CTNNA2: variants seen among roughly 807,000 people sequenced by gnomAD.
CTNNA2 encodes the protein catenin alpha-2.
In CTNNA2, 42 loss-of-function variants were observed where a neutral mutation model predicts 101.0. The ratio of observed to expected loss-of-function variants is 0.42; its 90% CI spans 0.32 to 0.54. The LOEUF (loss-of-function observed/expected upper bound fraction) is 0.54. CTNNA2 is among the 20% of genes least tolerant of loss of function. CTNNA2 has a pLI of 0.14. For synonymous variants in CTNNA2, 450 were observed against 456.4 expected (o/e 0.99, Z 0.18); for missense variants, 871 against 1,223.1 (o/e 0.71, Z 4.29).
intron 7 of CTNNA2, among the ~76,000 whole-genome samples, chr2:79,942,792 C>T (rs961508421): frequency 2.6e-5 from 4 of 152,084 alleles, no homozygotes; most frequent in Non-Finnish European, 4.4e-5. Context: ...TTTCCTGCAT[C>T]CTATCCTTGC....
At chr2:80,572,850 T>A (rs1401918350) in intron 12 of CTNNA2, 1 of 152,214 alleles carries the variant, frequency 6.6e-6, no homozygotes, top group Non-Finnish European at 1.5e-5. Context: ...TCCCCATGCA[T>A]GCTGTGGTTT....
intron 7 of CTNNA2, among the ~76,000 whole-genome samples, chr2:80,383,128 C>A (rs1676668358): frequency 6.6e-6 from 1 of 151,996 alleles, no homozygotes; most frequent in East Asian, 1.9e-4. Context: ...TGAAAAATGT[C>A]TTTTATGCAG....
intron 4 of CTNNA2, among the ~76,000 whole-genome samples, chr2:79,482,417 T>G (rs952013746): frequency 6.6e-6 from 1 of 152,182 alleles, no homozygotes; most frequent in African/African-American, 2.4e-5. Context: ...CACAATGTAC[T>G]AGGGATTTGG....
intron 2 of CTNNA2, among the ~76,000 whole-genome samples, chr2:79,719,727 C>T (rs1206660729): frequency 6.6e-6 from 1 of 151,898 alleles, no homozygotes; most frequent in Non-Finnish European, 1.5e-5. Context: ...TGTCCTTTGC[C>T]CGTTTTAATG....
chr2:79,511,782 G>T (rs1671549370), upstream of CTNNA2, among the ~76,000 whole-genome samples: 1 of 152,042 alleles, frequency 6.6e-6, no homozygotes. Flanking sequence ...GGAAGCAAAA[G>T]GGGGGAGGGA....
intron 3 of CTNNA2, among the ~76,000 whole-genome samples, chr2:79,769,870 A>G (rs749727745): frequency 6.6e-5 from 10 of 152,240 alleles, no homozygotes; most frequent in Non-Finnish European, 4.4e-5. Flanking sequence ...ACTTTCTGCA[A>G]TAAAAATAGT....
chr2:79,995,306 A>C (rs1161395194), intron 7 of CTNNA2, among the ~76,000 whole-genome samples: 1 of 152,110 alleles, frequency 6.6e-6, no homozygotes, highest in Non-Finnish European at 1.5e-5. Flanking sequence ...TGTGTGAATC[A>C]CCCTGGAAGG....
intron 4 of CTNNA2, chr2:79,500,541 T>TTGGC (rs1362893110): frequency 6.6e-6 from 1 of 152,188 alleles, no homozygotes; most frequent in Non-Finnish European, 1.5e-5. Context: ...CTAAATCATA[T>TTGGC]TGGCTACAGT....
intron 4 of CTNNA2, among the ~76,000 whole-genome samples, chr2:79,382,723 C>T (rs1249942020): frequency 6.6e-6 from 1 of 152,176 alleles, no homozygotes; most frequent in African/African-American, 2.4e-5. Flanking sequence ...ATGCCATTCT[C>T]CTGCCTCAGC....
intron 2 of CTNNA2, among the ~76,000 whole-genome samples, chr2:79,242,855 C>T (rs562116654): frequency 1.3e-5 from 2 of 151,760 alleles, no homozygotes; most frequent in Admixed American, 1.3e-4. Flanking sequence ...GTGGCCTCAG[C>T]TACTCTGGAG....
chr2:80,593,351 G>A (rs575060278), intron 15 of CTNNA2, among the ~76,000 whole-genome samples: 1 of 150,592 alleles, frequency 6.6e-6, no homozygotes, highest in Non-Finnish European at 1.5e-5. Flanking sequence ...TTGTTTTTTT[G>A]TTTGTTTGTT....
At chr2:79,758,644 T>TGTC (rs1672560958) in intron 3 of CTNNA2, among the ~76,000 whole-genome samples, 1 of 152,180 alleles carries the variant, frequency 6.6e-6, no homozygotes, top group Non-Finnish European at 1.5e-5. Flanking sequence ...ACCATCTTTA[T>TGTC]GTCCATCAGT....
At chr2:80,547,642 A>AT (rs1476692495) in intron 11 of CTNNA2, among the ~76,000 whole-genome samples, 1 of 149,780 alleles carries the variant, frequency 6.7e-6, no homozygotes, top group Non-Finnish European at 1.5e-5. Flanking sequence ...AAATATCACC[A>AT]TATCTAGAGC....
chr2:80,038,895 A>T (rs1695848843), intron 7 of CTNNA2, among the ~76,000 whole-genome samples: 1 of 152,184 alleles, frequency 6.6e-6, no homozygotes, highest in South Asian at 2.1e-4. Flanking sequence ...TGAATTCTGT[A>T]TCACTTTATC....
intron 9 of CTNNA2, among the ~76,000 whole-genome samples, chr2:80,472,081 C>T (rs1043276856): frequency 6.6e-6 from 1 of 151,330 alleles, no homozygotes; most frequent in Non-Finnish European, 1.5e-5. Context: ...GATTGCTCCA[C>T]TGCACTCCAG....
At chr2:79,858,232 C>G in intron 4 of CTNNA2, 53 bp downstream of exon 4, 1 of 1,425,722 alleles carries the variant, frequency 7.0e-7, no homozygotes, top group Non-Finnish European at 9.8e-7. Flanking sequence ...CAATCTTGAC[C>G]GTGTGTATTA....
chr2:79,711,045 T>C (rs1473556305), intron 2 of CTNNA2, among the ~76,000 whole-genome samples: 1 of 152,190 alleles, frequency 6.6e-6, no homozygotes, highest in Non-Finnish European at 1.5e-5. Context: ...CTTTTTGTTT[T>C]AAAGGCTAGA....
At chr2:79,930,284 GAGAGAGAAAGAGAAAGAA>G (rs1687315945) in intron 7 of CTNNA2, among the ~76,000 whole-genome samples, 9 of 71,444 alleles carry the variant, frequency 1.3e-4, no homozygotes, top group South Asian at 4.2e-4. Context: ...GAAAGAGAGA[GAGAGAGAAAGAGAAAGAA>G]AGAAAGAAAG....
At chr2:80,439,460 G>T (rs543271597) in intron 9 of CTNNA2, among the ~76,000 whole-genome samples, 1 of 152,174 alleles carries the variant, frequency 6.6e-6, no homozygotes, top group African/African-American at 2.4e-5. Flanking sequence ...GTGCAGTGGC[G>T]TGATCTCAGC....
Sources: allele counts gnomAD v4.1 joint callset (sites outside exome capture counted in the v4.1 genomes callset), GRCh38; gene constraint gnomAD v4.1.1; transcripts MANE v1.5; gene names NCBI Gene and HGNC (gene_info 2026-07-23, HGNC 2026-07-21).